SLC39A10: variants seen among roughly 807,000 people sequenced by gnomAD.
SLC39A10 encodes solute carrier family 39 member 10, also known as zinc transporter ZIP10.
In SLC39A10, 13 loss-of-function variants were observed where a neutral mutation model predicts 65.1. The observed-to-expected ratio is 0.20, with a 90% CI of 0.13 to 0.32. The LOEUF (loss-of-function observed/expected upper bound fraction) is 0.32, where lower values mean the gene tolerates loss of function less well. SLC39A10 is among the 10% of genes least tolerant of loss of function. The pLI is 1.00. For missense variants in SLC39A10, 831 were observed against 1,018.4 expected, an observed-to-expected ratio of 0.82 and a Z score of 2.50; for synonymous variants, 321 against 342.2, an observed-to-expected ratio of 0.94 and a Z score of 0.68.
At chr2:195,630,571 G>T (rs1688565968) in intron 2 of SLC39A10, among the ~76,000 whole-genome samples, 1 of 152,196 alleles carries the variant, frequency 6.6e-6, no homozygotes, top group South Asian at 2.1e-4. Flanking sequence ...TAGAGTAGAA[G>T]AAGGGCAAGA....
chr2:195,617,582 C>G (rs950515457), intron 2 of SLC39A10, among the ~76,000 whole-genome samples: 1 of 151,174 alleles, frequency 6.6e-6, no homozygotes, highest in Non-Finnish European at 1.5e-5. Flanking sequence ...AGAAAGTTAA[C>G]TGAGATGACC....
rs145274581 is a variant in SLC39A10, at chr2:195,719,790, T to G, written c.2146+1458T>G. On this transcript the variant is annotated intron_variant, in intron 8 of 9. Transcript: ENST00000359634. ...TGGGCCACTACGCCTGGCTAATTTT[T>G]GTTTTTTTTTTTTTTTCGAGACAGA... Among the ~76,000 whole-genome samples, 988 of 148,206 alleles carry G rather than the reference T, an allele frequency of 6.7e-3. 7 individuals are homozygous for G. Among genetic ancestry groups the G allele is most frequent in the African/African-American group, 0.023 (936 of 40,510 alleles).
chr2:195,630,533 A>G (rs1339938392), intron 2 of SLC39A10, among the ~76,000 whole-genome samples: 1 of 151,956 alleles, frequency 6.6e-6, no homozygotes, highest in Non-Finnish European at 1.5e-5. Flanking sequence ...GGGTCTTAAG[A>G]CCCTTAATCA....
At chr2:195,627,674 G>A (rs1688501805) in intron 2 of SLC39A10, among the ~76,000 whole-genome samples, 1 of 152,088 alleles carries the variant, frequency 6.6e-6, no homozygotes, top group African/African-American at 2.4e-5. Flanking sequence ...ACATTTTCTT[G>A]TATAATACAA....
At chr2:195,721,240 A>G (rs187163399) in intron 8 of SLC39A10, among the ~76,000 whole-genome samples, 15 of 152,244 alleles carry the variant, frequency 9.9e-5, no homozygotes, top group African/African-American at 3.4e-4. Context: ...ACGCCCAGCT[A>G]TGAGTCACAC....
chr2:195,730,505 A>C (rs1043036971), intron 9 of SLC39A10, among the ~76,000 whole-genome samples: 13 of 152,148 alleles, frequency 8.5e-5, no homozygotes, highest in Non-Finnish European at 1.5e-5. Context: ...TTTTGTCAGT[A>C]GGTTTCTATA....
At chr2:195,648,996 G>T (rs1302591346) in intron 2 of SLC39A10, among the ~76,000 whole-genome samples, 1 of 152,148 alleles carries the variant, frequency 6.6e-6, no homozygotes, top group Non-Finnish European at 1.5e-5. Context: ...TGGGTGTGAT[G>T]AAATCATTGG....
At chr2:195,716,489 A>G in intron 6 of SLC39A10, 148 bp from the exon 7 acceptor site, 2 of 626,226 alleles carry the variant, frequency 3.2e-6, no homozygotes, top group Non-Finnish European at 2.5e-6. Flanking sequence ...TTTCTATTAG[A>G]ATGGCTTCTA....
intron 2 of SLC39A10, among the ~76,000 whole-genome samples, chr2:195,622,946 TG>T (rs1442215125): frequency 8.1e-6 from 1 of 124,010 alleles, no homozygotes; most frequent in Non-Finnish European, 1.6e-5. Context: ...CACTCCAGCC[TG>T]GGTGACAGAG....
intron 3 of SLC39A10, among the ~76,000 whole-genome samples, chr2:195,689,759 CTTTATG>C (rs1690658773): frequency 6.6e-6 from 1 of 152,150 alleles, no homozygotes; most frequent in African/African-American, 2.4e-5. Context: ...AATCTACTGT[CTTTATG>C]TTTATGATTT....
intron 2 of SLC39A10, among the ~76,000 whole-genome samples, chr2:195,644,176 G>A (rs975914153): frequency 4.0e-5 from 6 of 150,496 alleles, no homozygotes; most frequent in African/African-American, 1.2e-4. Context: ...CCTTCCAAGA[G>A]GATGGATTCG....
chr2:195,731,389 C>A (rs1692428790), intron 9 of SLC39A10, among the ~76,000 whole-genome samples: 1 of 152,144 alleles, frequency 6.6e-6, no homozygotes, highest in Non-Finnish European at 1.5e-5. Context: ...CATTTCATAT[C>A]CTCTATCCCT....
chr2:195,668,788 G>A (rs1346144609), intron 1 of SLC39A10, among the ~76,000 whole-genome samples: 3 of 152,076 alleles, frequency 2.0e-5, no homozygotes, highest in Admixed American at 1.3e-4. Flanking sequence ...TAAATTGATC[G>A]GGCCGGGTAC....
chr2:195,644,772 C>G (rs1252111331), intron 2 of SLC39A10, among the ~76,000 whole-genome samples: 1 of 151,468 alleles, frequency 6.6e-6, no homozygotes, highest in Non-Finnish European at 1.5e-5. Context: ...CCACTGCACT[C>G]TAGCCTGGGT....
chr2:195,655,383 G>A (rs1574225481), upstream of SLC39A10, among the ~76,000 whole-genome samples: 1 of 152,176 alleles, frequency 6.6e-6, no homozygotes, highest in African/African-American at 2.4e-5. Flanking sequence ...GCCCTAAAAT[G>A]TAAGGACTGC....
intron 1 of SLC39A10, among the ~76,000 whole-genome samples, chr2:195,670,648 A>C (rs1689822919): frequency 6.6e-6 from 1 of 152,164 alleles, no homozygotes; most frequent in African/African-American, 2.4e-5. Context: ...AAATTTGAAT[A>C]AGGTTCGTAG....
intron 3 of SLC39A10, among the ~76,000 whole-genome samples, chr2:195,687,274 T>TG (rs1310673935): frequency 2.0e-5 from 3 of 152,156 alleles, no homozygotes; most frequent in African/African-American, 7.2e-5. Flanking sequence ...CAGAGAAAAA[T>TG]GGAGACTGAC....
intron 3 of SLC39A10, among the ~76,000 whole-genome samples, chr2:195,703,795 AG>A (rs1453351534): frequency 6.6e-6 from 1 of 152,124 alleles, no homozygotes; most frequent in Non-Finnish European, 1.5e-5. Flanking sequence ...CTTGGACTAC[AG>A]GCACATGCCA....
intron 3 of SLC39A10, among the ~76,000 whole-genome samples, chr2:195,690,175 A>G (rs1055888771): frequency 0.052 from 5,908 of 112,934 alleles, 235 homozygotes; most frequent in African/African-American, 0.14. Flanking sequence ...GACTCTCTGA[A>G]AAAAAAAAAA....
Sources: gnomAD v4.1 joint callset for allele counts (sites outside exome capture counted in the v4.1 genomes callset) on GRCh38, gnomAD v4.1.1 for gene constraint, MANE v1.5 for transcripts, NCBI Gene and HGNC (gene_info 2026-07-23, HGNC 2026-07-21) for gene names.